Variants in HYLS1 observed in about 807,000 individuals in gnomAD.
HYLS1 encodes HYLS1 centriolar and ciliogenesis associated, also known as centriolar and ciliogenesis-associated protein HYLS1.
Under a neutral mutation model 29.4 loss-of-function variants are expected in HYLS1, and 25 were observed. That is an observed-to-expected ratio of 0.85 (90% CI 0.62 to 1.19). The LOEUF is 1.19. Ranked by LOEUF, HYLS1 falls within the 50% of genes most tolerant of loss-of-function variation. HYLS1 has a pLI of 0.00. For missense variants in HYLS1, 352 were observed against 365.1 expected (o/e 0.96, Z 0.29); for synonymous variants, 128 against 126.7 (o/e 1.01, Z -0.07).
upstream of HYLS1, among the ~76,000 whole-genome samples, chr11:125,886,384 C>G (rs1944305158): frequency 6.6e-6 from 1 of 152,074 alleles, no homozygotes; most frequent in Non-Finnish European, 1.5e-5. Flanking sequence ...CCCACTGAAT[C>G]CTGGATTTAA....
At chr11:125,889,042 A>G (rs1944362397) in intron 1 of HYLS1, among the ~76,000 whole-genome samples, 1 of 152,200 alleles carries the variant, frequency 6.6e-6, no homozygotes, top group South Asian at 2.1e-4. Flanking sequence ...TATATACCTT[A>G]TATTTATGTG....
chr11:125,900,093 GAGAGC>G lies in HYLS1; in HGVS notation c.729_733del (p.Glu243AspfsTer38). The G allele has an allele frequency of 6.2e-7, 1 of 1,614,182 alleles. No individual in the cohort carries two copies. Among genetic ancestry groups the G allele is most frequent in the Non-Finnish European group, 8.5e-7 (1 of 1,180,032 alleles). ...AGAAAGGAATTACGCTGGGGTGTCC[GAGAGC>G]AGATGCTTTGTCGAGCAGAACCCCA... On this transcript the variant is annotated frameshift_variant, in exon 3 of 3. Transcript: ENST00000425380. LOFTEE classifies it high-confidence loss of function.
In HYLS1 at chr11:125,899,889, G is replaced by A; in HGVS notation, c.521G>A (p.Arg174Lys). The A allele has an allele frequency of 6.2e-7, 1 of 1,614,214 alleles. No homozygotes were observed. The highest frequency in any genetic ancestry group is 1.1e-5 in the South Asian group (1 of 91,082). The change falls in exon 3 of 3, where the codon AGA (arginine) becomes AAA (lysine). Residue 174 changes from arginine (R) to lysine (K), a missense_variant. By Grantham distance (26) the Arg-to-Lys change is conservative. Transcript: ENST00000425380. ...GATCAGCTCATTTGCTCTCTACAAA[G>A]AGAAGGAATGGGCTCTCCAGCTTAC... ...SQDQLICSLQ[R>K]EGMGSPAYEQ...
intron 2 of HYLS1, among the ~76,000 whole-genome samples, chr11:125,897,631 C>G (rs190632264): frequency 1.3e-5 from 2 of 151,952 alleles, no homozygotes; most frequent in Admixed American, 1.3e-4. Flanking sequence ...TTTAAATGCT[C>G]AATTTTACTC....
rs144728089 is a variant in HYLS1, at chr11:125,896,072, A to G, written c.-25-3272A>G. 1 of 1,614,170 alleles carries G rather than the reference A, an allele frequency of 6.2e-7. No individual in the cohort carries two copies. The highest frequency in any genetic ancestry group is 1.3e-5 in the African/African-American group (1 of 75,046). On this transcript the variant is annotated intron_variant, in intron 2 of 2. Coordinates refer to ENST00000425380, the MANE Select transcript of HYLS1 (RefSeq NM_001134793.2). Reference sequence around the variant, plus strand: ...CAAAGCCCTGGTATCCCCAGCCCATATAGGCTATTCTTAGGGCTACGTGTC... The same window carrying G: ...CAAAGCCCTGGTATCCCCAGCCCATGTAGGCTATTCTTAGGGCTACGTGTC...
upstream of HYLS1, among the ~76,000 whole-genome samples, chr11:125,885,189 C>T (rs193263850): frequency 3.3e-5 from 5 of 152,236 alleles, no homozygotes; most frequent in South Asian, 2.1e-4. Flanking sequence ...CAGTGGCTCA[C>T]GCTGGAAATC....
At chr11:125,884,238 A>G (rs930602671), upstream of HYLS1, among the ~76,000 whole-genome samples, 1 of 152,252 alleles carries the variant, frequency 6.6e-6, no homozygotes, top group Non-Finnish European at 1.5e-5. Context: ...ACTTTAAAAA[A>G]AGAAAGACAA....
rs112310730 is a variant in HYLS1 at position 125,890,201 on chromosome 11, C to T, written c.-75-1222C>T. On this transcript the variant is annotated intron_variant, in intron 1 of 2. Transcript: ENST00000425380. ...CCTCAAGCGATCCTCCCACCTCAGC[C>T]TCCAAAGTGCTGGAATTACAGGCAT... 2.0e-3 allele frequency among the ~76,000 whole-genome samples: 305 copies of T among 152,220 alleles called. 1 individual carries two copies. The highest frequency in any genetic ancestry group is 2.7e-3 in the Non-Finnish European group (182 of 68,028).
At chr11:125,894,185 T>C in intron 2 of HYLS1, 1 of 1,614,128 alleles carries the variant, frequency 6.2e-7, no homozygotes, top group Middle Eastern at 1.6e-4. Flanking sequence ...CCACAGTTGT[T>C]GTAGGTGGGT....
chr11:125,886,282 C>A (rs1944303028), upstream of HYLS1, among the ~76,000 whole-genome samples: 1 of 152,106 alleles, frequency 6.6e-6, no homozygotes, highest in Non-Finnish European at 1.5e-5. Flanking sequence ...ATTCAAAGTG[C>A]CTTAGAGGTA....
At chr11:125,894,329 C>T in intron 2 of HYLS1, 1 of 1,494,490 alleles carries the variant, frequency 6.7e-7, no homozygotes, top group East Asian at 2.3e-5. Flanking sequence ...ACATAACATC[C>T]ATCTAACAGT....
At chr11:125,888,267 C>A (rs1040882303) in intron 1 of HYLS1, 1 of 152,248 alleles carries the variant, frequency 6.6e-6, no homozygotes, top group South Asian at 2.1e-4. Flanking sequence ...AGGTGTTTGT[C>A]CACCCCGAAA....
At chr11:125,893,846 G>A (rs1377366021) in intron 2 of HYLS1, 2 of 1,613,818 alleles carry the variant, frequency 1.2e-6, no homozygotes, top group South Asian at 1.1e-5. Context: ...CTCCAAATTA[G>A]TATTCTCTTC....
chr11:125,897,438 G>A (rs980015195), intron 2 of HYLS1, among the ~76,000 whole-genome samples: 3 of 150,806 alleles, frequency 2.0e-5, no homozygotes, highest in African/African-American at 7.3e-5. Context: ...ATGACAAACT[G>A]AGAAGAAAAA....
In HYLS1 at chr11:125,900,067, T is replaced by C. The variant is rs779783404; in HGVS notation, c.699T>C (p.His233=). ...CAATACGTTTACCTGGTGAAGATCA[T>C]AGAAAGGAATTACGCTGGGGTGTCC... The part of the protein sequence containing the change: ...WDSIRLPGED[H]RKELRWGVRE... The change falls in exon 3 of 3, where the codon CAT becomes CAC. Residue 233 remains histidine (H), a synonymous_variant. Transcript: ENST00000425380. The C allele has an allele frequency of 1.2e-6, 2 of 1,614,138 alleles. No homozygotes were observed. Among genetic ancestry groups the C allele is most frequent in the Non-Finnish European group, 8.5e-7 (1 of 1,180,028 alleles).
At position 125,900,022 on chromosome 11, in the gene HYLS1, G is replaced by A. The variant is rs760019025; in HGVS notation, c.654G>A (p.Glu218=). 9 of 1,614,076 alleles carry A rather than the reference G, an allele frequency of 5.6e-6. No homozygotes were observed. The highest frequency in any genetic ancestry group is 1.7e-5 in the Admixed American group (1 of 60,008). The change falls in exon 3 of 3, where the codon GAG becomes GAA. Residue 218 remains glutamate (E), a synonymous_variant. Coordinates refer to ENST00000425380, the MANE Select transcript of HYLS1 (RefSeq NM_001134793.2). ...CAGACCGGGTAGCCCGGTATTTTGAGTACAAACGGGACTGGGACTCAATAC... is the reference window on the plus strand; with the variant it reads ...CAGACCGGGTAGCCCGGTATTTTGAATACAAACGGGACTGGGACTCAATAC... ...GKTDRVARYF[E]YKRDWDSIRL...
At position 125,896,327 on chromosome 11, in the gene HYLS1, C is replaced by G. The variant is rs376807825; in HGVS notation, c.-25-3017C>G. On this transcript the variant is annotated intron_variant, in intron 2 of 2. Transcript: ENST00000425380. ...AATAAACGAACCATACAGGTCTGCC[C>G]TGTCTGAAAAGAGAGCAAAGGGATA... The G allele has an allele frequency of 9.1e-6, 14 of 1,534,058 alleles. No individual in the cohort carries two copies. In the African/African-American group the frequency reaches 1.6e-4, roughly 18 times the overall value.
rs1476863956 is a variant in HYLS1 at position 125,900,287 on chromosome 11, C to G, written c.*19C>G. The stretch of plus-strand genomic sequence containing the variant: ...TTCTTAAATCTTTTTAAACTTCTTT[C>G]ACAGGATTGTTTGAGATAACCTAGC... On this transcript the variant is annotated 3_prime_UTR_variant, in exon 3 of 3. Coordinates refer to ENST00000425380, the MANE Select transcript of HYLS1 (RefSeq NM_001134793.2). 6.2e-7 allele frequency: 1 copy of G among 1,611,682 alleles called. No homozygotes were observed. The highest frequency in any genetic ancestry group is 2.2e-5 in the East Asian group (1 of 44,872).
At chr11:125,887,079 G>A (rs1030978964), upstream of HYLS1, 6 of 152,642 alleles carry the variant, frequency 3.9e-5, no homozygotes, top group African/African-American at 1.4e-4. Context: ...GGTCACGCCA[G>A]GGCCCTGCAC....
Sources: gnomAD v4.1 joint callset for allele counts (sites outside exome capture counted in the v4.1 genomes callset) on GRCh38, gnomAD v4.1.1 for gene constraint, MANE v1.5 for transcripts, NCBI Gene and HGNC (gene_info 2026-07-23, HGNC 2026-07-21) for gene names.